ZC3H12B: variants seen among roughly 807,000 people sequenced by gnomAD.
ZC3H12B encodes the protein zinc finger CCCH-type containing 12B.
ZC3H12B carries 7 observed loss-of-function variants against 43.9 expected under a neutral mutation model. That is an observed-to-expected ratio of 0.16 (90% CI 0.09 to 0.30). ZC3H12B has a LOEUF of 0.30. ZC3H12B is among the 10% of genes least tolerant of loss of function. ZC3H12B has a pLI of 1.00. For missense variants in ZC3H12B, 475 were observed against 670.2 expected (o/e 0.71, Z 3.22); for synonymous variants, 222 against 241.7 (o/e 0.92, Z 0.76).
chrX:65,123,109 C>T, the ZC3H12B span, among the ~76,000 whole-genome samples: 9 of 111,979 alleles, frequency 8.0e-5, no homozygotes, highest in Non-Finnish European at 1.7e-4. Context: ...CCATCAATGC[C>T]TAGTTTATTG....
At chrX:65,076,332 TCTCA>T in the ZC3H12B span, among the ~76,000 whole-genome samples, 10 of 110,500 alleles carry the variant, frequency 9.0e-5, no homozygotes. Flanking sequence ...AGAGATCAGG[TCTCA>T]CTATGTTGCC....
chrX:65,255,805 A>G, the ZC3H12B span, among the ~76,000 whole-genome samples: 2 of 112,382 alleles, frequency 1.8e-5, no homozygotes, highest in African/African-American at 6.5e-5. Flanking sequence ...TTCACATGCA[A>G]TAGCACACAC....
At chrX:65,118,698 C>T in the ZC3H12B span, among the ~76,000 whole-genome samples, 1 of 109,478 alleles carries the variant, frequency 9.1e-6, no homozygotes, top group Non-Finnish European at 1.9e-5. Context: ...ATGTGCACAA[C>T]CTGCAGGTTT....
intron 4 of ZC3H12B, among the ~76,000 whole-genome samples, chrX:65,501,086 AG>A (rs2068360226): frequency 9.0e-6 from 1 of 111,584 alleles, no homozygotes; most frequent in African/African-American, 3.3e-5. Context: ...TAAGGGACAT[AG>A]CTGGAATTGA....
chrX:65,090,523 A>G, the ZC3H12B span, among the ~76,000 whole-genome samples: 23 of 111,962 alleles, frequency 2.1e-4, no homozygotes, highest in Non-Finnish European at 3.0e-4. Flanking sequence ...TGAACATGAA[A>G]CAGTTGTTCT....
At position 65,455,502 on chromosome X, in the gene ZC3H12B, T is replaced by C. The variant is rs767283996; in HGVS notation, n.408-33144T>C. Reference sequence around the variant, plus strand: ...TGAAAAGACCAAATCTATGTCTGATTGGTGTATTTGAAAGTCACAGGGAGA... The same window carrying C: ...TGAAAAGACCAAATCTATGTCTGATCGGTGTATTTGAAAGTCACAGGGAGA... On this transcript the variant is annotated intron_variant and non_coding_transcript_variant, in intron 3 of 5. Coordinates refer to the ZC3H12B transcript ENST00000617377. 6.2e-5 allele frequency among the ~76,000 whole-genome samples: 7 copies of C among 112,136 alleles called. No homozygotes were observed. In the South Asian group the frequency reaches 2.6e-3, roughly 42 times the overall value.
At chrX:65,372,423 T>A (rs1410486357) in intron 2 of ZC3H12B, among the ~76,000 whole-genome samples, 3 of 108,617 alleles carry the variant, frequency 2.8e-5, no homozygotes, top group Admixed American at 2.0e-4. Flanking sequence ...TCAGCCTGAT[T>A]GCGGACATAT....
chrX:65,102,476 T>A, the ZC3H12B span, among the ~76,000 whole-genome samples: 1 of 111,914 alleles, frequency 8.9e-6, no homozygotes, highest in Non-Finnish European at 1.9e-5. Context: ...GATTGTATAT[T>A]TAAGAAAGCC....
At chrX:65,150,166 C>G in the ZC3H12B span, among the ~76,000 whole-genome samples, 1 of 110,405 alleles carries the variant, frequency 9.1e-6, no homozygotes, top group African/African-American at 3.3e-5. Flanking sequence ...TACGGTTTTA[C>G]TATATATTAT....
chrX:65,422,195 G>A (rs1351268303), intron 3 of ZC3H12B, among the ~76,000 whole-genome samples: 3 of 111,342 alleles, frequency 2.7e-5, no homozygotes, highest in Non-Finnish European at 5.6e-5. Flanking sequence ...CAGGATTCAT[G>A]GATCCAAGTA....
chrX:65,464,239 G>C (rs892313872), intron 3 of ZC3H12B, among the ~76,000 whole-genome samples: 5 of 111,461 alleles, frequency 4.5e-5, no homozygotes, highest in African/African-American at 1.6e-4. Flanking sequence ...GAGCTTCCCT[G>C]GGATACTTTG....
At chrX:65,137,435 G>T in the ZC3H12B span, among the ~76,000 whole-genome samples, 1 of 111,935 alleles carries the variant, frequency 8.9e-6, no homozygotes, top group Non-Finnish European at 1.9e-5. Context: ...GTTTTGAATA[G>T]TTCGTTATGA....
chrX:65,342,658 C>T, the ZC3H12B span, among the ~76,000 whole-genome samples: 3 of 110,653 alleles, frequency 2.7e-5, no homozygotes, highest in Non-Finnish European at 1.9e-5. Flanking sequence ...GCTAAGGTAG[C>T]ACTAAGAGGA....
the ZC3H12B span, among the ~76,000 whole-genome samples, chrX:65,047,183 A>C: frequency 1.2e-4 from 13 of 111,692 alleles, no homozygotes; most frequent in Admixed American, 1.9e-4. Context: ...GTTGCCACAA[A>C]ACTTCAGTTT....
chrX:65,197,181 C>A, the ZC3H12B span, among the ~76,000 whole-genome samples: 11 of 111,879 alleles, frequency 9.8e-5, no homozygotes, highest in Admixed American at 5.7e-4. Context: ...ACTACAGCGT[C>A]CGCCCTGGCC....
At chrX:65,406,613 T>TGGGCGGGGCCGGGCGGGGCC (rs1473836593) in intron 3 of ZC3H12B, among the ~76,000 whole-genome samples, 13 of 17,408 alleles carry the variant, frequency 7.5e-4, no homozygotes, top group Non-Finnish European at 9.7e-4. Context: ...TGGGCGGGGC[T>TGGGCGGGGCCGGGCGGGGCC]GGGCGGGACT....
the ZC3H12B span, among the ~76,000 whole-genome samples, chrX:65,214,625 T>C: frequency 9.0e-6 from 1 of 111,560 alleles, no homozygotes; most frequent in Non-Finnish European, 1.9e-5. Context: ...TTCAGTGACT[T>C]CCTCCACTGA....
At chrX:65,376,792 G>A (rs1229981441) in intron 2 of ZC3H12B, among the ~76,000 whole-genome samples, 1 of 111,044 alleles carries the variant, frequency 9.0e-6, no homozygotes, top group Non-Finnish European at 1.9e-5. Flanking sequence ...GCCTTCTCAA[G>A]ATGGACTGAG....
the ZC3H12B span, among the ~76,000 whole-genome samples, chrX:65,137,174 TA>T: frequency 1.2e-4 from 13 of 112,008 alleles, no homozygotes; most frequent in African/African-American, 1.9e-4. Context: ...CTTTATAATG[TA>T]AAAAAAATCA....
Sources: gnomAD v4.1 joint callset for allele counts (sites outside exome capture counted in the v4.1 genomes callset) on GRCh38, gnomAD v4.1.1 for gene constraint, MANE v1.5 for transcripts, NCBI Gene and HGNC (gene_info 2026-07-23, HGNC 2026-07-21) for gene names.